KLHL35: variants seen among roughly 807,000 people sequenced by gnomAD.
The protein encoded by KLHL35 is kelch-like protein 35.
A neutral mutation model predicts 44.0 loss-of-function variants in KLHL35; 50 were observed. The ratio of observed to expected loss-of-function variants is 1.14; its 90% CI spans 0.91 to 1.44. The LOEUF is 1.44. Ranked by LOEUF, KLHL35 falls within the 40% of genes most tolerant of loss-of-function variation. The pLI, the probability that KLHL35 is intolerant of heterozygous loss-of-function variation, is 0.00. For missense variants in KLHL35, 1,049 were observed against 887.8 expected (o/e 1.18, Z -2.31); for synonymous variants, 470 against 410.4 (o/e 1.15, Z -1.76).
At position 75,426,541 on chromosome 11, in the gene KLHL35, C is replaced by A. The variant is rs1470454401; in HGVS notation, c.1164G>T (p.Lys388Asn). Residue 388 changes from lysine to asparagine, a missense_variant, in exon 4 of 7, where the codon AAG (lysine) becomes AAT (asparagine). Physicochemically the swap from Lys to Asn is moderately conservative, Grantham distance 94 (BLOSUM62 0). Coordinates refer to ENST00000539798, the MANE Select transcript of KLHL35 (RefSeq NM_001039548.3). ...CTACCTGCCCCTGCACAACTGCCAT[C>A]TTGTGCCTCCACCTGCCCTTGTGCA... The part of the protein sequence containing the change: ...ASLHKGRWRH[K>N]MAVVQGQLFA... The A allele has an allele frequency of 6.3e-7, 1 of 1,599,004 alleles. No individual in the cohort carries two copies. Among genetic ancestry groups the A allele is most frequent in the Admixed American group, 1.7e-5 (1 of 58,470 alleles).
rs773585636 is a variant in KLHL35, at chr11:75,428,514, G to C, written c.994C>G (p.Leu332Val). ...YHPESQRWTPLPSLPGYTRSE... is the reference protein window; with the variant it reads ...YHPESQRWTPVPSLPGYTRSE... ...CGAGTGTAGCCGGGCAGGCTGGGCAGTGGGGTCCACCGCTGGCTCTCTGGA... is the reference window on the plus strand; with the variant it reads ...CGAGTGTAGCCGGGCAGGCTGGGCACTGGGGTCCACCGCTGGCTCTCTGGA... The change falls in exon 3 of 7, where the codon CTG becomes GTG. Residue 332 changes from leucine to valine, a missense_variant. Transcript: ENST00000539798. 1.9e-6 allele frequency: 3 copies of C among 1,612,294 alleles called. No homozygotes were observed. The highest frequency in any genetic ancestry group is 2.5e-6 in the Non-Finnish European group (3 of 1,179,896).
Position 75,433,149 on chromosome 11 carries a change from G to A in KLHL35, c.-108C>T, listed in dbSNP as rs114792081. ...TGGCAGCCCAAGCTCCAGTGTTCAT[G>A]CTGCTCTGCCCAGACTCCCGTTTGC... is the stretch of plus-strand genomic sequence containing the variant. On this transcript the variant is annotated 5_prime_UTR_variant, in exon 1 of 7. Transcript: ENST00000539798. Among the ~76,000 whole-genome samples, 1,639 of 152,292 alleles carry A rather than the reference G, an allele frequency of 0.011. 34 individuals are homozygous for A. The highest frequency in any genetic ancestry group is 0.038 in the African/African-American group (1,563 of 41,552).
intron 5 of KLHL35, chr11:75,425,022 C>G (rs1948477509): frequency 5.0e-6 from 1 of 201,520 alleles, no homozygotes; most frequent in Non-Finnish European, 9.7e-6. Context: ...GCAGCTCTGC[C>G]TAGACGGTGG....
In KLHL35 at chr11:75,423,702, G is replaced by A. The variant is rs748460119; in HGVS notation, c.1553C>T (p.Pro518Leu). 1 of 1,613,630 alleles carries A rather than the reference G, an allele frequency of 6.2e-7. No homozygotes were observed. Among genetic ancestry groups the A allele is most frequent in the African/African-American group, 1.3e-5 (1 of 75,048 alleles). ...GAAGCCTCCACTTACCACAGGGCTG[G>A]GGAGGACAGCTGCCTCCCCCCACAC... is the stretch of plus-strand genomic sequence containing the variant. ...TDVWGEAAVL[P>L]SPVESCGVTV... The change falls in exon 6 of 7, where the codon CCC (proline) becomes CTC (leucine). Residue 518 changes from proline to leucine, a missense_variant. Coordinates refer to ENST00000539798, the MANE Select transcript of KLHL35 (RefSeq NM_001039548.3).
At chr11:75,425,062 CTG>C (rs1948478205) in intron 5 of KLHL35, among the ~76,000 whole-genome samples, 1 of 150,490 alleles carries the variant, frequency 6.6e-6, no homozygotes, top group Admixed American at 6.6e-5. Context: ...TTCTATTTTT[CTG>C]TGTTTTCTAA....
chr11:75,425,522 G>T lies in KLHL35; in HGVS notation c.1245C>A (p.Asp415Glu). 1 of 1,557,728 alleles carries T rather than the reference G, an allele frequency of 6.4e-7. No homozygotes were observed. Among genetic ancestry groups the T allele is most frequent in the Non-Finnish European group, 8.6e-7 (1 of 1,160,558 alleles). The change falls in exon 5 of 7, where the codon GAC (aspartate) becomes GAA (glutamate). Residue 415 changes from aspartate to glutamate, a missense_variant. Asp to Glu is a conservative substitution (Grantham distance 45). Coordinates refer to ENST00000539798, the MANE Select transcript of KLHL35 (RefSeq NM_001039548.3). ...CGGCCGCCCAGGTGTTGGAGAAGGGGTCGTAGCGCTCCACGCTGTGCAGGC... is the reference window on the plus strand; with the variant it reads ...CGGCCGCCCAGGTGTTGGAGAAGGGTTCGTAGCGCTCCACGCTGTGCAGGC... ...LRRLHSVERYDPFSNTWAAAA... is the reference protein window; with the variant it reads ...LRRLHSVERYEPFSNTWAAAA...
chr11:75,428,043 T>C (rs1352990354), intron 3 of KLHL35, among the ~76,000 whole-genome samples: 3 of 152,362 alleles, frequency 2.0e-5, no homozygotes, highest in Middle Eastern at 3.4e-3. Context: ...TCCTCCTAGC[T>C]TTGCCATTTT....
Position 75,422,446 on chromosome 11 carries a change from C to T in KLHL35, c.*134G>A, listed in dbSNP as rs182453601. On this transcript the variant is annotated 3_prime_UTR_variant, in exon 7 of 7. Coordinates refer to ENST00000539798, the MANE Select transcript of KLHL35 (RefSeq NM_001039548.3). ...GACTGCAGCTGGAACACAGACCCAA[C>T]AAGATTTTATTTATACAAGAAAAGG... The T allele has an allele frequency of 5.1e-6, 4 of 788,566 alleles. No homozygotes were observed. The East Asian group carries it at 8.1e-5, about 16-fold the overall frequency. 48.8% of individuals were successfully genotyped at this position (788,566 alleles called of 1,614,324 possible). A position where few individuals can be genotyped will look rare whatever the true frequency, so the allele number is the denominator to read the frequency against.
intron 3 of KLHL35, among the ~76,000 whole-genome samples, chr11:75,428,016 A>G (rs1305264249): frequency 2.6e-5 from 4 of 152,214 alleles, no homozygotes; most frequent in African/African-American, 4.8e-5. Context: ...GTTTGTTGGT[A>G]TCAAACAGAT....
chr11:75,430,003 G>A lies in KLHL35; in HGVS notation c.627C>T (p.Gly209=). ...CAAACACGGCCTCCTCGCGCGCCAC[G>A]CCCAGCGCGGGGTCCGCCAGCAGCG... The part of the protein sequence containing the change: ...VVALLADPAL[G]VAREEAVFEA... The change falls in exon 2 of 7, where the codon GGC becomes GGT. Residue 209 remains glycine (G), a synonymous_variant. Transcript: ENST00000539798. 4 of 1,415,632 alleles carry A rather than the reference G, an allele frequency of 2.8e-6. No individual in the cohort carries two copies. The highest frequency in any genetic ancestry group is 2.8e-6 in the Non-Finnish European group (3 of 1,088,748). The allele number at this position is 1,415,632 out of a possible 1,614,324, so 87.7% of individuals were successfully genotyped here.
intron 6 of KLHL35, chr11:75,423,381 CA>C (rs1948466135): frequency 6.4e-6 from 2 of 314,430 alleles, no homozygotes; most frequent in Non-Finnish European, 1.2e-5. Flanking sequence ...TGGTTACTAG[CA>C]GTGGCCTTCG....
At chr11:75,422,875 G>A (rs1165407576) in intron 6 of KLHL35, 107 bp from the exon 7 acceptor site, 3 of 1,019,330 alleles carry the variant, frequency 2.9e-6, no homozygotes, top group Admixed American at 1.9e-5. Context: ...CTGTGAACAG[G>A]CAATCTGGAC....
chr11:75,432,962 C>A (rs1006596294), intron 1 of KLHL35, among the ~76,000 whole-genome samples, 81 bp downstream of exon 1: 1 of 152,216 alleles, frequency 6.6e-6, no homozygotes, highest in Non-Finnish European at 1.5e-5. Flanking sequence ...CCTCCGCATC[C>A]TCCCCATCTC....
At position 75,430,342 on chromosome 11, in the gene KLHL35, CG is replaced by C; in HGVS notation, c.287del (p.Pro96ArgfsTer61). 1 of 1,297,724 alleles carries C rather than the reference CG, an allele frequency of 7.7e-7. No homozygotes were observed. Among genetic ancestry groups the C allele is most frequent in the Non-Finnish European group, 9.8e-7 (1 of 1,022,106 alleles). The allele number at this position is 1,297,724 out of a possible 1,614,324, so 80.4% of individuals were successfully genotyped here. ...PVAPEAPGTS[P>X]AGAAAALAVV... is the part of the protein sequence containing the mutation. ...CGGCCAGCGCCGCCGCCGCCCCGGCCGGGCTCGTGCCTGGCGCCTCGGGAGC... is the reference window on the plus strand; with the variant it reads ...CGGCCAGCGCCGCCGCCGCCCCGGCCGGCTCGTGCCTGGCGCCTCGGGAGC... On this transcript the variant is annotated frameshift_variant, in exon 2 of 7. Transcript: ENST00000539798. LOFTEE classifies it high-confidence loss of function.
chr11:75,432,776 G>A (rs1377147266), intron 1 of KLHL35, among the ~76,000 whole-genome samples: 1 of 152,166 alleles, frequency 6.6e-6, no homozygotes, highest in African/African-American at 2.4e-5. Flanking sequence ...AACACAGAAG[G>A]TAAAAATTCC....
chr11:75,428,499 C>T lies in KLHL35; in HGVS notation c.1009G>A (p.Gly337Ser), dbSNP rs751493702. The T allele has an allele frequency of 2.3e-5, 37 of 1,612,404 alleles. No homozygotes were observed. The highest frequency in any genetic ancestry group is 2.9e-5 in the Non-Finnish European group (34 of 1,179,882). The change falls in exon 3 of 7, where the codon GGC (glycine) becomes AGC (serine). Residue 337 changes from glycine (G) to serine (S), a missense_variant. Physicochemically the swap from Gly to Ser is moderately conservative, Grantham distance 56. Transcript: ENST00000539798. ...QRWTPLPSLP[G>S]YTRSEFAACA... ...GCGGCGAATTCTGAGCGAGTGTAGC[C>T]GGGCAGGCTGGGCAGTGGGGTCCAC...
At position 75,422,703 on chromosome 11, in the gene KLHL35, TC is replaced by T; in HGVS notation, c.1628del (p.Gly543GlufsTer76). The stretch of plus-strand genomic sequence containing the variant: ...AGGTGAAGACCTTATCGGTGCTTTC[TC>T]CGCGATCATCCCGCCCGCCAAGGAT... ...VHILGGRDDRGESTDKVFTFD... is the reference protein window; with the variant it reads ...VHILGGRDDRXESTDKVFTFD... On this transcript the variant is annotated frameshift_variant, in exon 7 of 7. Coordinates refer to ENST00000539798, the MANE Select transcript of KLHL35 (RefSeq NM_001039548.3). LOFTEE classifies it high-confidence loss of function. 1.2e-6 allele frequency: 2 copies of T among 1,614,036 alleles called. No homozygotes were observed. Among genetic ancestry groups the T allele is most frequent in the Non-Finnish European group, 1.7e-6 (2 of 1,179,904 alleles).
chr11:75,430,998 T>A (rs978540199), intron 1 of KLHL35, among the ~76,000 whole-genome samples: 1 of 152,142 alleles, frequency 6.6e-6, no homozygotes, highest in African/African-American at 2.4e-5. Context: ...TAGGGCTGTG[T>A]CCCAGGATAC....
chr11:75,432,486 C>T (rs895217344), intron 1 of KLHL35, among the ~76,000 whole-genome samples: 1 of 152,200 alleles, frequency 6.6e-6, no homozygotes, highest in African/African-American at 2.4e-5. Flanking sequence ...CATCACAGCA[C>T]GCTGCAACCA....
Sources: gnomAD v4.1 joint callset for allele counts (sites outside exome capture counted in the v4.1 genomes callset) on GRCh38, gnomAD v4.1.1 for gene constraint, MANE v1.5 for transcripts, NCBI Gene and HGNC (gene_info 2026-07-23, HGNC 2026-07-21) for gene names.